The following SLC24A3 variants were observed in gnomAD, a reference collection of about 807,000 sequenced individuals.
SLC24A3 encodes solute carrier family 24 member 3.
A neutral mutation model predicts 75.8 loss-of-function variants in SLC24A3; 28 were observed. That is an observed-to-expected ratio of 0.37 (90% CI 0.27 to 0.51). SLC24A3 has a LOEUF of 0.51. SLC24A3 is among the 20% of genes least tolerant of loss of function. SLC24A3 has a pLI of 0.94. For missense variants in SLC24A3, 663 were observed against 847.8 expected, an observed-to-expected ratio of 0.78 and a Z score of 2.71; for synonymous variants, 372 against 334.1, an observed-to-expected ratio of 1.11 and a Z score of -1.24.
intron 2 of SLC24A3, among the ~76,000 whole-genome samples, chr20:19,281,417 G>C (rs1983661158): frequency 6.6e-6 from 1 of 152,174 alleles, no homozygotes; most frequent in African/African-American, 2.4e-5. Context: ...GGTTACCTTT[G>C]CTTTGATTGC....
intron 6 of SLC24A3, among the ~76,000 whole-genome samples, chr20:19,615,027 T>C (rs1465258686): frequency 2.7e-5 from 4 of 150,932 alleles, no homozygotes; most frequent in Non-Finnish European, 5.9e-5. Flanking sequence ...TTACAGACTA[T>C]GTGGTCTTTA....
At chr20:19,326,581 T>TC (rs1264000467) in intron 2 of SLC24A3, among the ~76,000 whole-genome samples, 3 of 150,734 alleles carry the variant, frequency 2.0e-5, no homozygotes, top group Admixed American at 1.3e-4. Flanking sequence ...TCTTTTCTTT[T>TC]TTTTTTTTTT....
intron 3 of SLC24A3, among the ~76,000 whole-genome samples, chr20:19,561,414 G>T (rs940025280): frequency 6.6e-6 from 1 of 152,102 alleles, no homozygotes; most frequent in African/African-American, 2.4e-5. Flanking sequence ...AATCTGGTTT[G>T]GGTTTCTTTG....
At chr20:19,249,291 A>G (rs1982581919) in intron 1 of SLC24A3, among the ~76,000 whole-genome samples, 1 of 152,206 alleles carries the variant, frequency 6.6e-6, no homozygotes, top group South Asian at 2.1e-4. Context: ...AAGCCCTGGC[A>G]AGCTTCCGTA....
At chr20:19,342,584 A>G (rs1467128519) in intron 2 of SLC24A3, among the ~76,000 whole-genome samples, 1 of 152,244 alleles carries the variant, frequency 6.6e-6, no homozygotes, top group Non-Finnish European at 1.5e-5. Flanking sequence ...TAGGTGCAAA[A>G]AGCAAGCTGC....
intron 2 of SLC24A3, among the ~76,000 whole-genome samples, chr20:19,425,361 C>T (rs1336040157): frequency 6.6e-6 from 1 of 152,098 alleles, no homozygotes; most frequent in Non-Finnish European, 1.5e-5. Context: ...TAATGACCAG[C>T]CCCCGGCCTT....
chr20:19,604,206 G>T (rs545351257), intron 6 of SLC24A3, among the ~76,000 whole-genome samples: 1 of 151,818 alleles, frequency 6.6e-6, no homozygotes, highest in Non-Finnish European at 1.5e-5. Flanking sequence ...GTGGTCTGAA[G>T]AGAGTAAAAT....
chr20:19,225,568 A>C (rs886160898), intron 1 of SLC24A3, among the ~76,000 whole-genome samples: 1 of 152,132 alleles, frequency 6.6e-6, no homozygotes, highest in African/African-American at 2.4e-5. Flanking sequence ...ATATCACCCC[A>C]AAAACCCCCC....
intron 2 of SLC24A3, among the ~76,000 whole-genome samples, chr20:19,507,365 C>T (rs1008001761): frequency 2.0e-5 from 3 of 152,238 alleles, no homozygotes; most frequent in African/African-American, 7.2e-5. Context: ...ATGCATTTCT[C>T]ACAAGGAGCT....
intron 10 of SLC24A3, among the ~76,000 whole-genome samples, chr20:19,683,045 A>AT (rs1165251293): frequency 2.0e-5 from 3 of 152,212 alleles, no homozygotes; most frequent in Non-Finnish European, 4.4e-5. Context: ...AGAAAAAAAA[A>AT]GAAATTAGAA....
rs1160760670 is a variant in SLC24A3, at chr20:19,276,313, T to C, written c.143-4646T>C. Reference sequence around the variant, plus strand: ...CTTTAGAAGTGTCTTATTTCTTCGTTTGTGAACCTTTCATGGGGGATGCTC... The same window carrying C: ...CTTTAGAAGTGTCTTATTTCTTCGTCTGTGAACCTTTCATGGGGGATGCTC... On this transcript the variant is annotated intron_variant, in intron 1 of 16. Coordinates refer to ENST00000328041, the MANE Select transcript of SLC24A3 (RefSeq NM_020689.4). 2.6e-5 allele frequency among the ~76,000 whole-genome samples: 4 copies of C among 152,176 alleles called. No homozygotes were observed. The East Asian group carries it at 7.7e-4, about 29-fold the overall frequency.
chr20:19,695,672 C>G (rs576686777), intron 13 of SLC24A3: 2 of 152,180 alleles, frequency 1.3e-5, no homozygotes, highest in Non-Finnish European at 2.9e-5. Flanking sequence ...CACTTCATTC[C>G]GTGCTGAATT....
chr20:19,307,847 A>G (rs995461606), intron 2 of SLC24A3, among the ~76,000 whole-genome samples: 44 of 152,332 alleles, frequency 2.9e-4, no homozygotes, highest in East Asian at 9.7e-4. Context: ...AGGAATACAC[A>G]TGGCAGGGAA....
rs983282311 is a variant in SLC24A3, at chr20:19,272,527, C to T, written c.143-8432C>T. 9.0e-4 allele frequency among the ~76,000 whole-genome samples: 137 copies of T among 152,310 alleles called. 1 individual carries two copies. Among genetic ancestry groups the T allele is most frequent in the African/African-American group, 3.3e-3 (137 of 41,568 alleles). ...ACAAGCTTGCAGGTGATGTTGATGC[C>T]GCTGGTCTAGGGACCACACTTTGAG... On this transcript the variant is annotated intron_variant, in intron 1 of 16. Transcript: ENST00000328041.
intron 3 of SLC24A3, among the ~76,000 whole-genome samples, chr20:19,574,658 T>C (rs1199458441): frequency 2.0e-5 from 3 of 152,244 alleles, no homozygotes; most frequent in African/African-American, 7.2e-5. Context: ...TCATTATTGT[T>C]GCCACAACAA....
In SLC24A3 at chr20:19,600,283, G is replaced by A. The variant is rs567148471; in HGVS notation, c.612+14739G>A. Among the ~76,000 whole-genome samples the A allele has an allele frequency of 1.4e-4, 22 of 152,204 alleles. No individual in the cohort carries two copies. In the East Asian group the frequency reaches 3.9e-3, roughly 27 times the overall value. On this transcript the variant is annotated intron_variant, in intron 6 of 16. Coordinates refer to ENST00000328041, the MANE Select transcript of SLC24A3 (RefSeq NM_020689.4). ...GCTGGACTCTTAAATTCTGCCCAGC[G>A]GTTAAGTCCAGAACACCTACTAAGA...
chr20:19,214,080 T>G (rs1287551238), intron 1 of SLC24A3, among the ~76,000 whole-genome samples: 4 of 152,166 alleles, frequency 2.6e-5, no homozygotes, highest in African/African-American at 9.7e-5. Context: ...TTTTCAAAGG[T>G]GCCATGAATT....
intron 1 of SLC24A3, among the ~76,000 whole-genome samples, chr20:19,269,605 T>A (rs942615257): frequency 6.6e-6 from 1 of 152,244 alleles, no homozygotes; most frequent in Non-Finnish European, 1.5e-5. Context: ...CAGCACCCTT[T>A]GAAAGCTGAA....
At chr20:19,622,865 G>T (rs2031821840) in intron 6 of SLC24A3, among the ~76,000 whole-genome samples, 1 of 152,202 alleles carries the variant, frequency 6.6e-6, no homozygotes, top group Non-Finnish European at 1.5e-5. Context: ...CATGGAGGAA[G>T]GAGAAGGAGG....
Sources: allele counts gnomAD v4.1 joint callset (sites outside exome capture counted in the v4.1 genomes callset), GRCh38; gene constraint gnomAD v4.1.1; transcripts MANE v1.5; gene names NCBI Gene and HGNC (gene_info 2026-07-23, HGNC 2026-07-21).